Variants in LIPC observed in about 807,000 individuals in gnomAD.
LIPC encodes lipase C, hepatic type, also known as hepatic triacylglycerol lipase.
In LIPC, 44 loss-of-function variants were observed where a neutral mutation model predicts 50.7. That is an observed-to-expected ratio of 0.87 (90% CI 0.68 to 1.11). The LOEUF is 1.11. LIPC is among the 50% of genes most tolerant of loss of function. LIPC has a pLI of 0.00. For missense variants in LIPC, 697 were observed against 648.2 expected (o/e 1.08, Z -0.82); for synonymous variants, 271 against 256.4 (o/e 1.06, Z -0.54).
At chr15:58,525,661 C>A (rs1281642158) in intron 1 of LIPC, among the ~76,000 whole-genome samples, 2 of 152,008 alleles carry the variant, frequency 1.3e-5, no homozygotes, top group African/African-American at 2.4e-5. Context: ...AAATAGGAGA[C>A]CTATGTCTTC....
intron 1 of LIPC, among the ~76,000 whole-genome samples, chr15:58,469,036 G>C (rs55861554): frequency 0.25 from 38,407 of 151,734 alleles, 5,146 homozygotes; most frequent in South Asian, 0.33. Flanking sequence ...GGTATGGTAA[G>C]CATTAAACAT....
At chr15:58,455,244 T>C (rs932283228) in intron 1 of LIPC, among the ~76,000 whole-genome samples, 5 of 152,258 alleles carry the variant, frequency 3.3e-5, no homozygotes, top group Non-Finnish European at 7.3e-5. Flanking sequence ...GTAAATATTT[T>C]TCCTTTTGTA....
intron 1 of LIPC, among the ~76,000 whole-genome samples, chr15:58,506,936 C>G (rs942739252): frequency 2.6e-5 from 4 of 152,200 alleles, no homozygotes; most frequent in African/African-American, 9.7e-5. Context: ...GAGGAGGAAG[C>G]AAACACATCC....
intron 1 of LIPC, among the ~76,000 whole-genome samples, chr15:58,499,012 C>T (rs1451554614): frequency 6.6e-6 from 1 of 152,212 alleles, no homozygotes; most frequent in Non-Finnish European, 1.5e-5. Context: ...AACGGCCTTG[C>T]TTCGCTGAGC....
chr15:58,432,996 T>C (rs1421771907), intron 1 of LIPC, among the ~76,000 whole-genome samples: 1 of 152,222 alleles, frequency 6.6e-6, no homozygotes, highest in African/African-American at 2.4e-5. Context: ...TTTTTTCCCC[T>C]TTAAGAAAAA....
chr15:58,506,132 TC>T (rs1892141492), intron 1 of LIPC, among the ~76,000 whole-genome samples: 1 of 152,162 alleles, frequency 6.6e-6, no homozygotes, highest in Non-Finnish European at 1.5e-5. Context: ...CTCTTCCTGT[TC>T]TTGTCTCAAA....
At chr15:58,543,864 C>T (rs1229079250) in intron 4 of LIPC, among the ~76,000 whole-genome samples, 2 of 152,118 alleles carry the variant, frequency 1.3e-5, no homozygotes, top group African/African-American at 2.4e-5. Context: ...TCAGGTGATC[C>T]ACCATCTCGG....
At chr15:58,443,319 G>C (rs1365135627) in intron 1 of LIPC, among the ~76,000 whole-genome samples, 1 of 152,132 alleles carries the variant, frequency 6.6e-6, no homozygotes, top group Non-Finnish European at 1.5e-5. Context: ...TGTGAGTGAT[G>C]GCCAGGAGCA....
At chr15:58,457,595 G>A (rs1894180247) in intron 1 of LIPC, among the ~76,000 whole-genome samples, 1 of 152,150 alleles carries the variant, frequency 6.6e-6, no homozygotes, top group Admixed American at 6.5e-5. Context: ...TGCTGAATGG[G>A]ACCTTCAGAT....
At chr15:58,470,735 G>A (rs1894763510) in intron 1 of LIPC, among the ~76,000 whole-genome samples, 1 of 152,062 alleles carries the variant, frequency 6.6e-6, no homozygotes, top group African/African-American at 2.4e-5. Context: ...CAGTAGCTGG[G>A]ACTACAGGTG....
At chr15:58,473,427 A>T (rs1890878344) in intron 1 of LIPC, among the ~76,000 whole-genome samples, 1 of 152,176 alleles carries the variant, frequency 6.6e-6, no homozygotes, top group African/African-American at 2.4e-5. Context: ...GAAGCCCATT[A>T]CCCACCCACT....
At chr15:58,512,917 C>T (rs959740962) in intron 1 of LIPC, among the ~76,000 whole-genome samples, 2 of 151,686 alleles carry the variant, frequency 1.3e-5, no homozygotes, top group East Asian at 3.9e-4. Flanking sequence ...ACAAGACCTC[C>T]GCCTTTCATC....
chr15:58,562,218 C>G (rs8030893), intron 7 of LIPC, among the ~76,000 whole-genome samples: 75,883 of 151,928 alleles, frequency 0.5, 19,777 homozygotes, highest in East Asian at 0.84. Flanking sequence ...CGAACCCTCA[C>G]GTCCCTCCTC....
intron 1 of LIPC, among the ~76,000 whole-genome samples, chr15:58,498,030 C>T (rs753677633): frequency 4.6e-5 from 7 of 152,168 alleles, no homozygotes; most frequent in Non-Finnish European, 1.0e-4. Flanking sequence ...CTTTACAGAG[C>T]TCAACATGCC....
At chr15:58,504,015 T>C (rs552081380) in intron 1 of LIPC, among the ~76,000 whole-genome samples, 1 of 152,278 alleles carries the variant, frequency 6.6e-6, no homozygotes, top group Admixed American at 6.5e-5. Flanking sequence ...TTTCAAGATA[T>C]GACAGGACAT....
At chr15:58,557,177 C>T (rs373763357) in intron 6 of LIPC, among the ~76,000 whole-genome samples, 1 of 152,032 alleles carries the variant, frequency 6.6e-6, no homozygotes, top group South Asian at 2.1e-4. Flanking sequence ...AGCCGACGCC[C>T]CAGCCATATA....
chr15:58,466,431 G>A (rs1339520614), intron 1 of LIPC, among the ~76,000 whole-genome samples: 3 of 152,188 alleles, frequency 2.0e-5, no homozygotes, highest in African/African-American at 7.2e-5. Context: ...CCTTGAACAA[G>A]CCACTTAGCT....
At position 58,511,991 on chromosome 15, in the gene LIPC, C is replaced by T. The variant is rs549301147; in HGVS notation, c.89-26342C>T. ...TCAAACATACACATGGAGACACACA[C>T]AGCATTTTAAAACCTAGAAGGAAAT... On this transcript the variant is annotated intron_variant, in intron 1 of 8. Coordinates refer to ENST00000299022, the MANE Select transcript of LIPC (RefSeq NM_000236.3). 8.5e-5 allele frequency among the ~76,000 whole-genome samples: 13 copies of T among 152,254 alleles called. No individual in the cohort carries two copies. The South Asian group carries it at 2.7e-3, about 32-fold the overall frequency.
At chr15:58,445,871 C>T (rs694954) in intron 1 of LIPC, among the ~76,000 whole-genome samples, 16,686 of 152,190 alleles carry the variant, frequency 0.11, 897 homozygotes, top group Middle Eastern at 0.19. Flanking sequence ...ACAAAACTAA[C>T]GTGTGTACGC....
Sources: allele counts gnomAD v4.1 joint callset (sites outside exome capture counted in the v4.1 genomes callset), GRCh38; gene constraint gnomAD v4.1.1; transcripts MANE v1.5; gene names NCBI Gene and HGNC (gene_info 2026-07-23, HGNC 2026-07-21).